The following NCR2 variants were observed in gnomAD, a reference collection of about 807,000 sequenced individuals.
The protein encoded by NCR2 is natural cytotoxicity triggering receptor 2.
A neutral mutation model predicts 30.7 loss-of-function variants in NCR2; 35 were observed. The observed-to-expected ratio is 1.14, with a 90% CI of 0.87 to 1.51. NCR2 has a LOEUF of 1.51. Among genes scored for constraint, NCR2 ranks in the 40% most tolerant of loss-of-function variants. NCR2 has a pLI of 0.00. For missense variants in NCR2, 316 were observed against 328.9 expected, an observed-to-expected ratio of 0.96 and a Z score of 0.30; for synonymous variants, 146 against 134.8, an observed-to-expected ratio of 1.08 and a Z score of -0.58.
At chr6:41,339,482 T>C (rs1018935118) in intron 2 of NCR2, among the ~76,000 whole-genome samples, 1 of 151,826 alleles carries the variant, frequency 6.6e-6, no homozygotes, top group African/African-American at 2.4e-5. Context: ...GCCTCCTGGG[T>C]TCACACCTTC....
intron 2 of NCR2, among the ~76,000 whole-genome samples, chr6:41,340,692 C>T (rs1769148180): frequency 6.6e-6 from 1 of 152,156 alleles, no homozygotes; most frequent in Non-Finnish European, 1.5e-5. Context: ...TTATACTTCC[C>T]TTGTTGTGGA....
chr6:41,337,591 C>G (rs1190779868), intron 2 of NCR2, among the ~76,000 whole-genome samples: 3 of 152,146 alleles, frequency 2.0e-5, no homozygotes, highest in Admixed American at 1.3e-4. Context: ...CACCACATCA[C>G]TTAGGAGATA....
In NCR2 at chr6:41,342,846, C is replaced by T. The variant is rs773539271; in HGVS notation, c.644+697C>T. On this transcript the variant is annotated intron_variant, in intron 4 of 4. Transcript: ENST00000373089. ...AGGAGCCGGCTTGCTGGAGGAGGGG[C>T]AGGCTTGGGGAAAGGGACAGGGTGT... 1.1e-5 allele frequency: 15 copies of T among 1,350,436 alleles called. 1 individual carries two copies. Among genetic ancestry groups the T allele is most frequent in the South Asian group, 1.0e-4 (8 of 77,600 alleles). The allele number at this position is 1,350,436 out of a possible 1,614,324, so 83.7% of individuals were successfully genotyped here. A position where few individuals can be genotyped will look rare whatever the true frequency, so the allele number is the denominator to read the frequency against.
In NCR2 at chr6:41,335,989, A is replaced by G. The variant is rs923353270; in HGVS notation, c.52+61A>G. 1.0e-5 allele frequency: 16 copies of G among 1,582,634 alleles called. No individual in the cohort carries two copies. The African/African-American group carries it at 1.9e-4, about 19-fold the overall frequency. On this transcript the variant is annotated intron_variant, in intron 1 of 4. Transcript: ENST00000373089. ...TGGGTGTGGTGGGGACTGTCAGGAC[A>G]GCAGGGTCAGGGAGCAGGTGGCTCT...
intron 2 of NCR2, among the ~76,000 whole-genome samples, chr6:41,339,561 A>AT: frequency 6.7e-6 from 1 of 150,178 alleles, no homozygotes; most frequent in East Asian, 2.0e-4. Context: ...ATTTTTTTAT[A>AT]TTTTTACTAG....
intron 4 of NCR2, 109 bp from the exon 5 acceptor site, chr6:41,350,569 T>G: frequency 1.1e-6 from 1 of 928,196 alleles, no homozygotes; most frequent in Non-Finnish European, 1.7e-6. Context: ...GAGGTGGGTA[T>G]GGCAACCAAC....
chr6:41,341,008 C>T (rs997973088), intron 2 of NCR2, among the ~76,000 whole-genome samples: 1 of 152,138 alleles, frequency 6.6e-6, no homozygotes, highest in African/African-American at 2.4e-5. Flanking sequence ...CCCCTTCTCC[C>T]CACCTCCTGG....
Position 41,342,087 on chromosome 6 carries a change from G to A in NCR2, c.582G>A (p.Val194=), listed in dbSNP as rs138366454. ...GCCCTGCAGCCCCCATTGCCCTGGTGCCTGTGTTCTGTGGACTCCTCGTAG... is the reference window on the plus strand; with the variant it reads ...GCCCTGCAGCCCCCATTGCCCTGGTACCTGTGTTCTGTGGACTCCTCGTAG... ...RPGPAAPIAL[V]PVFCGLLVAK... The change falls in exon 4 of 5, where the codon GTG becomes GTA. Residue 194 remains valine (V), a synonymous_variant. Transcript: ENST00000373089. 1.5e-4 allele frequency: 247 copies of A among 1,613,836 alleles called. No individual in the cohort carries two copies. In the East Asian group the frequency reaches 5.5e-3, roughly 36 times the overall value.
rs563693801 is a variant in NCR2, at chr6:41,346,082, AC to A, written c.644+3935del. Reference sequence around the variant, plus strand: ...CCATTAGGCTGTATCACTGTGGGTGACCACCCATCATCACTGCAGATTCTGT... The same window carrying A: ...CCATTAGGCTGTATCACTGTGGGTGACACCCATCATCACTGCAGATTCTGT... On this transcript the variant is annotated intron_variant, in intron 4 of 4. Coordinates refer to ENST00000373089, the MANE Select transcript of NCR2 (RefSeq NM_004828.4). Among the ~76,000 whole-genome samples the A allele has an allele frequency of 2.0e-4, 31 of 152,108 alleles. No homozygotes were observed. In the South Asian group the frequency reaches 5.8e-3, roughly 29 times the overall value.
At chr6:41,343,340 G>A (rs935393510) in intron 4 of NCR2, among the ~76,000 whole-genome samples, 6 of 152,300 alleles carry the variant, frequency 3.9e-5, no homozygotes, top group South Asian at 2.1e-4. Context: ...GGCCTGGAAC[G>A]CTGGTGGCTG....
intron 2 of NCR2, 149 bp from the exon 3 acceptor site, chr6:41,341,645 G>A: frequency 1.9e-6 from 2 of 1,055,010 alleles, no homozygotes; most frequent in Non-Finnish European, 2.7e-6. Context: ...GGACTTCACA[G>A]TTCAGTCCCC....
intron 2 of NCR2, among the ~76,000 whole-genome samples, chr6:41,336,714 A>G (rs868687054): frequency 2.0e-5 from 3 of 152,242 alleles, no homozygotes; most frequent in African/African-American, 7.2e-5. Context: ...GGAGGGCAGG[A>G]CCACCCGGCA....
Position 41,335,849 on chromosome 6 carries a change from T to C in NCR2, c.-28T>C. 1 of 1,558,240 alleles carries C rather than the reference T, an allele frequency of 6.4e-7. No homozygotes were observed. Among genetic ancestry groups the C allele is most frequent in the South Asian group, 1.2e-5 (1 of 84,592 alleles). On this transcript the variant is annotated 5_prime_UTR_variant, in exon 1 of 5. Transcript: ENST00000373089. ...TCCCCAGTCTTCTCCAGGTGTCCCCTCCCATGAGCGCACAGGAAAAGGACC... is the reference window on the plus strand; with the variant it reads ...TCCCCAGTCTTCTCCAGGTGTCCCCCCCCATGAGCGCACAGGAAAAGGACC...
intron 4 of NCR2, among the ~76,000 whole-genome samples, chr6:41,343,444 C>T (rs1285297818): frequency 6.6e-6 from 1 of 152,230 alleles, no homozygotes; most frequent in Non-Finnish European, 1.5e-5. Context: ...CACGCCACTG[C>T]ACTCCAGCCT....
chr6:41,346,249 C>T (rs186052983), intron 4 of NCR2, among the ~76,000 whole-genome samples: 202 of 152,318 alleles, frequency 1.3e-3, no homozygotes, highest in Middle Eastern at 3.4e-3. Flanking sequence ...AAATCTCTGG[C>T]ATCACAGTTC....
In NCR2 at chr6:41,350,774, C is replaced by A. The variant is rs752080875; in HGVS notation, c.741C>A (p.Thr247=). 1.3e-6 allele frequency: 2 copies of A among 1,515,142 alleles called. No individual in the cohort carries two copies. The highest frequency in any genetic ancestry group is 1.8e-6 in the Non-Finnish European group (2 of 1,089,640). 93.9% of individuals were successfully genotyped at this position (1,515,142 alleles called of 1,614,324 possible). The change falls in exon 5 of 5, where the codon ACC becomes ACA. Residue 247 remains threonine (T), a synonymous_variant. Transcript: ENST00000373089. ...HLQQVTDLPW[T]SVSSPVEREI... is the part of the protein sequence containing the mutation. ...AACAGGTCACGGACCTTCCCTGGAC[C>A]TCAGTTTCCTCACCTGTAGAGAGAG...
At chr6:41,347,762 G>A (rs1769337830) in intron 4 of NCR2, among the ~76,000 whole-genome samples, 1 of 152,188 alleles carries the variant, frequency 6.6e-6, no homozygotes, top group African/African-American at 2.4e-5. Context: ...AGAAATTTGG[G>A]AACAACTTAG....
chr6:41,343,725 T>C (rs565727547), intron 4 of NCR2, among the ~76,000 whole-genome samples: 12 of 152,304 alleles, frequency 7.9e-5, no homozygotes, highest in Admixed American at 5.9e-4. Flanking sequence ...GGGATTTCCC[T>C]ACCATACCGG....
chr6:41,349,818 C>T (rs1477731299), intron 4 of NCR2, among the ~76,000 whole-genome samples: 4 of 152,196 alleles, frequency 2.6e-5, no homozygotes, highest in Admixed American at 6.5e-5. Flanking sequence ...TATTCCTGAA[C>T]GTGCCCTGGA....
Sources: allele counts gnomAD v4.1 joint callset (sites outside exome capture counted in the v4.1 genomes callset), GRCh38; gene constraint gnomAD v4.1.1; transcripts MANE v1.5; gene names NCBI Gene and HGNC (gene_info 2026-07-23, HGNC 2026-07-21).